Variants in CNTN5 observed in about 807,000 individuals in gnomAD.
The protein encoded by CNTN5 is contactin 5, also known as contactin-5.
A neutral mutation model predicts 129.1 loss-of-function variants in CNTN5; 77 were observed. That is an observed-to-expected ratio of 0.60 (90% CI 0.50 to 0.72). The LOEUF (loss-of-function observed/expected upper bound fraction) is 0.72, where lower values mean the gene tolerates loss of function less well. Ranked by LOEUF, CNTN5 falls within the 30% of genes least tolerant of loss-of-function variation. The probability of loss-of-function intolerance (pLI) is 0.00; values close to 1 mark genes in which losing one functional copy is unlikely to be tolerated. For synonymous variants in CNTN5, 509 were observed against 465.6 expected (o/e 1.09, Z -1.20); for missense variants, 1,478 against 1,328.8 (o/e 1.11, Z -1.75).
At chr11:99,806,249 G>C (rs1946265687) in intron 3 of CNTN5, among the ~76,000 whole-genome samples, 1 of 151,828 alleles carries the variant, frequency 6.6e-6, no homozygotes, top group South Asian at 2.1e-4. Context: ...AAAATAAATT[G>C]GTATCTCATC....
rs1487498547 is a variant in CNTN5, at chr11:99,465,610, T to C, written c.-70-90535T>C. ...GTATATAGTAGGAAATCAGTATATA[T>C]ATTTATTAAATTAATGAATAAATTA... On this transcript the variant is annotated intron_variant, in intron 2 of 24. Coordinates refer to ENST00000524871, the MANE Select transcript of CNTN5 (RefSeq NM_014361.4). 8.7e-5 allele frequency among the ~76,000 whole-genome samples: 12 copies of C among 137,484 alleles called. No homozygotes were observed. In the East Asian group the frequency reaches 1.1e-3, roughly 12 times the overall value. The allele number at this position is 137,484 out of a possible 152,430, so 90.2% of individuals were successfully genotyped here. A position where few individuals can be genotyped will look rare whatever the true frequency, so the allele number is the denominator to read the frequency against.
chr11:99,468,909 T>A (rs1384763255), intron 2 of CNTN5, among the ~76,000 whole-genome samples: 1 of 152,106 alleles, frequency 6.6e-6, no homozygotes. Context: ...TTATACATGT[T>A]AATAGCATCT....
intron 2 of CNTN5, among the ~76,000 whole-genome samples, chr11:99,555,904 G>A (rs1256558740): frequency 6.6e-6 from 1 of 151,822 alleles, no homozygotes; most frequent in Non-Finnish European, 1.5e-5. Context: ...ATCTGTATGG[G>A]AGTATTCAAT....
At chr11:99,521,236 A>T (rs1163319632) in intron 2 of CNTN5, among the ~76,000 whole-genome samples, 1 of 152,124 alleles carries the variant, frequency 6.6e-6, no homozygotes, top group Non-Finnish European at 1.5e-5. Context: ...GATGTGGCTG[A>T]AGGTTGATAA....
intron 3 of CNTN5, among the ~76,000 whole-genome samples, chr11:99,581,636 C>CCGAGA (rs1949597575): frequency 6.6e-6 from 1 of 152,106 alleles, no homozygotes; most frequent in African/African-American, 2.4e-5. Context: ...TCCGTTTTAT[C>CCGAGA]CGAGACTAGG....
chr11:100,348,103 T>G (rs1952327372), intron 23 of CNTN5, among the ~76,000 whole-genome samples: 2 of 152,050 alleles, frequency 1.3e-5, no homozygotes, highest in African/African-American at 4.8e-5. Flanking sequence ...ATTAGACAAT[T>G]TTCTTTATGC....
rs1945278357 is a variant in CNTN5 at position 99,474,062 on chromosome 11, A to G, written c.-70-82083A>G. Among the ~76,000 whole-genome samples, 4 of 152,168 alleles carry G rather than the reference A, an allele frequency of 2.6e-5. No homozygotes were observed. The South Asian group carries it at 8.3e-4, about 31-fold the overall frequency. The stretch of plus-strand genomic sequence containing the variant: ...AGTAATATACTCTTTATTGCACCAA[A>G]ACAATTTTCTTAAATGGGAGTACTT... On this transcript the variant is annotated intron_variant, in intron 2 of 24. Transcript: ENST00000524871.
chr11:100,034,317 T>C (rs57547634), intron 9 of CNTN5, among the ~76,000 whole-genome samples: 14,144 of 152,278 alleles, frequency 0.093, 856 homozygotes, highest in East Asian at 0.2. Context: ...ATTGTTATTA[T>C]CTAACTGTGT....
chr11:100,103,777 C>T (rs763116594), intron 13 of CNTN5, among the ~76,000 whole-genome samples: 7 of 152,116 alleles, frequency 4.6e-5, no homozygotes, highest in Non-Finnish European at 1.0e-4. Context: ...AGACCACCCT[C>T]TTCAGTTTGG....
Position 100,356,248 on chromosome 11 carries a change from TGCTTTA to T in CNTN5, c.*33_*38del, listed in dbSNP as rs777116070. The T allele has an allele frequency of 2.0e-5, 29 of 1,464,012 alleles. No homozygotes were observed. The highest frequency in any genetic ancestry group is 5.4e-5 in the Admixed American group (3 of 55,512). 90.7% of individuals were successfully genotyped at this position (1,464,012 alleles called of 1,614,324 possible). A position where few individuals can be genotyped will look rare whatever the true frequency, so the allele number is the denominator to read the frequency against. On this transcript the variant is annotated 3_prime_UTR_variant, in exon 25 of 25. Transcript: ENST00000524871. ...ACTGCTGACTTAATTTGCTTTTGTT[TGCTTTA>T]GCTTGGTAACAGCGGTGAATAGAGT...
chr11:99,147,422 A>T (rs1020685514), intron 1 of CNTN5, among the ~76,000 whole-genome samples: 4 of 152,212 alleles, frequency 2.6e-5, no homozygotes, highest in African/African-American at 9.6e-5. Flanking sequence ...TTAGTCTGAA[A>T]AGAATTCCAG....
At chr11:99,487,695 A>G (rs1433807096) in intron 2 of CNTN5, among the ~76,000 whole-genome samples, 1 of 152,200 alleles carries the variant, frequency 6.6e-6, no homozygotes, top group African/African-American at 2.4e-5. Flanking sequence ...AAAACCTAAA[A>G]ACATGAAATA....
intron 6 of CNTN5, among the ~76,000 whole-genome samples, chr11:99,858,120 G>T (rs933694900): frequency 6.6e-6 from 1 of 152,002 alleles, no homozygotes; most frequent in African/African-American, 2.4e-5. Context: ...AAAAATGAAA[G>T]TGTTTATGTC....
intron 18 of CNTN5, among the ~76,000 whole-genome samples, chr11:100,293,859 A>G (rs1028198254): frequency 6.6e-6 from 1 of 151,630 alleles, no homozygotes; most frequent in Non-Finnish European, 1.5e-5. Flanking sequence ...GGGTTGGGGG[A>G]TGGTGGGCAA....
chr11:100,324,462 TA>T (rs1951752093), intron 21 of CNTN5, among the ~76,000 whole-genome samples: 1 of 152,162 alleles, frequency 6.6e-6, no homozygotes, highest in Non-Finnish European at 1.5e-5. Flanking sequence ...CTGGCTATAA[TA>T]ATCAAAAGGA....
At chr11:100,025,590 C>T (rs183109565) in intron 9 of CNTN5, among the ~76,000 whole-genome samples, 1 of 152,204 alleles carries the variant, frequency 6.6e-6, no homozygotes, top group Non-Finnish European at 1.5e-5. Flanking sequence ...CCCATGAAAA[C>T]AACTGGGAGG....
chr11:100,160,089 A>G (rs1306447385), intron 13 of CNTN5, among the ~76,000 whole-genome samples: 1 of 151,712 alleles, frequency 6.6e-6, no homozygotes, highest in Non-Finnish European at 1.5e-5. Flanking sequence ...ACCCACCAAC[A>G]GGCCCTAGTA....
At chr11:99,924,865 T>C (rs1237078232) in intron 7 of CNTN5, among the ~76,000 whole-genome samples, 1 of 152,210 alleles carries the variant, frequency 6.6e-6, no homozygotes, top group African/African-American at 2.4e-5. Context: ...TTAATGAATC[T>C]GTTCATTCAA....
At position 99,418,076 on chromosome 11, in the gene CNTN5, T is replaced by C. The variant is rs971077868; in HGVS notation, c.-71+92592T>C. On this transcript the variant is annotated intron_variant, in intron 2 of 24. Coordinates refer to ENST00000524871, the MANE Select transcript of CNTN5 (RefSeq NM_014361.4). ...AAGTATCTAATGCACTTCTCTTTTA[T>C]TTCTGCTGGTTACAATACTGCTAGA... Among the ~76,000 whole-genome samples, 13 of 152,282 alleles carry C rather than the reference T, an allele frequency of 8.5e-5. 1 individual carries two copies. Among genetic ancestry groups the C allele is most frequent in the Non-Finnish European group, 1.2e-4 (8 of 68,000 alleles).
Sources: gnomAD v4.1 joint callset for allele counts (sites outside exome capture counted in the v4.1 genomes callset) on GRCh38, gnomAD v4.1.1 for gene constraint, MANE v1.5 for transcripts, NCBI Gene and HGNC (gene_info 2026-07-23, HGNC 2026-07-21) for gene names.